The following ABCC4 variants were observed in gnomAD, a reference collection of about 807,000 sequenced individuals.
ABCC4 encodes ATP binding cassette subfamily C member 4 (PEL blood group), also known as ATP-binding cassette sub-family C member 4.
Under a neutral mutation model 168.5 loss-of-function variants are expected in ABCC4, and 102 were observed. The ratio of observed to expected loss-of-function variants is 0.61; its 90% CI spans 0.52 to 0.71. The LOEUF is 0.71. Ranked by LOEUF, ABCC4 falls within the 30% of genes least tolerant of loss-of-function variation. The pLI is 0.00. For missense variants in ABCC4, 1,402 were observed against 1,605.8 expected (o/e 0.87, Z 2.17); for synonymous variants, 617 against 590.7 (o/e 1.04, Z -0.65).
At position 95,105,235 on chromosome 13, in the gene ABCC4, C is replaced by T. The variant is rs190418227; in HGVS notation, c.2535+10687G>A. Among the ~76,000 whole-genome samples the T allele has an allele frequency of 2.7e-3, 411 of 152,070 alleles. 2 individuals carry two copies. Among genetic ancestry groups the T allele is most frequent in the African/African-American group, 9.2e-3 (382 of 41,454 alleles). Reference sequence around the variant, plus strand: ...TGCTCCTATGAGAATCTAATGCCGCCGACGATCTGACAGGAGGCAGAGGTC... The same window carrying T: ...TGCTCCTATGAGAATCTAATGCCGCTGACGATCTGACAGGAGGCAGAGGTC... On this transcript the variant is annotated intron_variant, in intron 20 of 30. Coordinates refer to ENST00000645237, the MANE Select transcript of ABCC4 (RefSeq NM_005845.5).
At chr13:95,135,700 C>T (rs1308417179) in intron 19 of ABCC4, among the ~76,000 whole-genome samples, 1 of 152,156 alleles carries the variant, frequency 6.6e-6, no homozygotes, top group African/African-American at 2.4e-5. Context: ...AGGCATAAGC[C>T]ACTGCACCTG....
chr13:95,090,237 T>G (rs1013978244), intron 20 of ABCC4, among the ~76,000 whole-genome samples: 2 of 152,156 alleles, frequency 1.3e-5, no homozygotes, highest in Non-Finnish European at 2.9e-5. Flanking sequence ...TAGGGTCCTG[T>G]GCACTGCTAG....
At chr13:95,025,097 C>G (rs1368156301) in intron 30 of ABCC4, among the ~76,000 whole-genome samples, 2 of 151,690 alleles carry the variant, frequency 1.3e-5, no homozygotes, top group Non-Finnish European at 2.9e-5. Context: ...TGACAGAAGA[C>G]AGATTGCAAT....
At chr13:95,284,051 A>T (rs2041197437) in intron 1 of ABCC4, among the ~76,000 whole-genome samples, 1 of 151,168 alleles carries the variant, frequency 6.6e-6, no homozygotes, top group South Asian at 2.1e-4. Flanking sequence ...AATACAAAAA[A>T]ATTAGCCGAG....
chr13:95,296,213 G>C (rs72645834), intron 1 of ABCC4, among the ~76,000 whole-genome samples: 17,860 of 149,616 alleles, frequency 0.12, 1,358 homozygotes, highest in Middle Eastern at 0.19. Context: ...GCCAGGAATA[G>C]TGGCTCATTC....
intron 14 of ABCC4, among the ~76,000 whole-genome samples, chr13:95,169,747 CT>C (rs2037403612): frequency 1.3e-5 from 2 of 152,196 alleles, no homozygotes; most frequent in African/African-American, 4.8e-5. Context: ...ATATCAGGCA[CT>C]CAAAAATTCC....
intron 1 of ABCC4, among the ~76,000 whole-genome samples, chr13:95,278,586 G>C (rs1351202207): frequency 6.6e-6 from 1 of 151,984 alleles, no homozygotes. Flanking sequence ...CATGAGCCAG[G>C]GAGTTTGAAA....
chr13:95,167,284 C>T (rs1214909942), intron 14 of ABCC4, among the ~76,000 whole-genome samples: 1 of 152,116 alleles, frequency 6.6e-6, no homozygotes, highest in Non-Finnish European at 1.5e-5. Flanking sequence ...CACAACCTTG[C>T]ACAGTTTTCT....
At chr13:95,118,255 ATT>A (rs11285457) in intron 19 of ABCC4, among the ~76,000 whole-genome samples, 196 of 143,782 alleles carry the variant, frequency 1.4e-3, no homozygotes, top group East Asian at 1.6e-3. Context: ...AAAAGTTTTA[ATT>A]TTTTTTTTTT....
rs141394175 is a variant in ABCC4, at chr13:95,252,309, T to A, written c.75-4556A>T. On this transcript the variant is annotated intron_variant, in intron 1 of 30. Transcript: ENST00000645237. ...CGAAATGGTGAAGAGTATATTGTTG[T>A]AATTATTCTATTTTATTATCATTGT... 4.9e-3 allele frequency among the ~76,000 whole-genome samples: 739 copies of A among 152,354 alleles called. 1 individual carries two copies. Among genetic ancestry groups the A allele is most frequent in the Non-Finnish European group, 7.6e-3 (517 of 68,030 alleles).
intron 9 of ABCC4, among the ~76,000 whole-genome samples, chr13:95,188,942 T>C (rs1218600359): frequency 6.6e-6 from 1 of 152,112 alleles, no homozygotes; most frequent in Non-Finnish European, 1.5e-5. Flanking sequence ...GTTTGTTACA[T>C]AGGTATACAT....
At chr13:95,144,255 C>CATAAAATATTATACTATATAGT (rs757149074) in intron 19 of ABCC4, among the ~76,000 whole-genome samples, 37,368 of 150,986 alleles carry the variant, frequency 0.25, 5,207 homozygotes, top group African/African-American at 0.38. Context: ...ATGATGATAA[C>CATAAAATATTATACTATATAGT]ATAAAATATT....
intron 1 of ABCC4, among the ~76,000 whole-genome samples, chr13:95,278,855 T>A (rs1594431515): frequency 7.7e-6 from 1 of 130,426 alleles, no homozygotes. Context: ...AACAACTCAA[T>A]GAACTCAGAT....
At chr13:95,265,113 C>T (rs1373214897) in intron 1 of ABCC4, among the ~76,000 whole-genome samples, 1 of 152,140 alleles carries the variant, frequency 6.6e-6, no homozygotes, top group African/African-American at 2.4e-5. Flanking sequence ...AGGTGATCCA[C>T]TCACCTCAGC....
intron 20 of ABCC4, among the ~76,000 whole-genome samples, chr13:95,090,522 G>C (rs2034398257): frequency 6.6e-6 from 1 of 152,168 alleles, no homozygotes; most frequent in African/African-American, 2.4e-5. Flanking sequence ...ACCCAGAAGA[G>C]AGACAATAAT....
intron 4 of ABCC4, among the ~76,000 whole-genome samples, chr13:95,231,242 A>G (rs1194722022): frequency 6.6e-6 from 1 of 152,222 alleles, no homozygotes; most frequent in African/African-American, 2.4e-5. Flanking sequence ...CTTAATGCAA[A>G]CGAACTACTA....
intron 27 of ABCC4, 109 bp downstream of exon 27, chr13:95,052,986 C>A (rs1252301983): frequency 3.2e-6 from 3 of 924,846 alleles, no homozygotes; most frequent in Admixed American, 3.8e-5. Context: ...GGGTGGTGAA[C>A]AAAGTTAGTT....
chr13:95,123,503 A>G (rs1030061884), intron 19 of ABCC4, among the ~76,000 whole-genome samples: 1 of 152,148 alleles, frequency 6.6e-6, no homozygotes, highest in African/African-American at 2.4e-5. Flanking sequence ...CTGGGAATAC[A>G]GACGTGCACC....
intron 13 of ABCC4, among the ~76,000 whole-genome samples, chr13:95,173,674 A>T (rs2037559417): frequency 6.6e-6 from 1 of 152,200 alleles, no homozygotes; most frequent in South Asian, 2.1e-4. Context: ...CTGTAGCTTA[A>T]AAGTAGGGGA....
Sources: allele counts gnomAD v4.1 joint callset (sites outside exome capture counted in the v4.1 genomes callset), GRCh38; gene constraint gnomAD v4.1.1; transcripts MANE v1.5; gene names NCBI Gene and HGNC (gene_info 2026-07-23, HGNC 2026-07-21).